The following FHIT variants were observed in gnomAD, a reference collection of about 807,000 sequenced individuals.
The protein encoded by FHIT is fragile histidine triad diadenosine triphosphatase, also known as bis(5'-adenosyl)-triphosphatase.
Under a neutral mutation model 17.9 loss-of-function variants are expected in FHIT, and 19 were observed. That is an observed-to-expected ratio of 1.06 (90% CI 0.74 to 1.56). FHIT has a LOEUF of 1.56. FHIT is among the 40% of genes most tolerant of loss of function. The probability of loss-of-function intolerance (pLI) is 0.00; values close to 1 mark genes in which losing one functional copy is unlikely to be tolerated. For synonymous variants in FHIT, 81 were observed against 69.7 expected (o/e 1.16, Z -0.81); for missense variants, 248 against 189.2 (o/e 1.31, Z -1.82).
chr3:59,873,133 C>T (rs1322953610), intron 8 of FHIT, among the ~76,000 whole-genome samples: 3 of 152,202 alleles, frequency 2.0e-5, no homozygotes. Flanking sequence ...TGTTTTACCT[C>T]TGGATAGTTA....
intron 7 of FHIT, among the ~76,000 whole-genome samples, chr3:59,975,426 T>C (rs1488672543): frequency 6.6e-6 from 1 of 152,116 alleles, no homozygotes; most frequent in Admixed American, 6.6e-5. Flanking sequence ...ATAAATATAC[T>C]GTAAGATGCT....
intron 4 of FHIT, among the ~76,000 whole-genome samples, chr3:60,653,957 T>C (rs1405273549): frequency 1.3e-5 from 2 of 152,184 alleles, no homozygotes; most frequent in African/African-American, 4.8e-5. Flanking sequence ...GTTTGGATCA[T>C]GGGGACAGAT....
chr3:60,289,278 T>A (rs962156321), intron 5 of FHIT, among the ~76,000 whole-genome samples: 1 of 152,214 alleles, frequency 6.6e-6, no homozygotes. Context: ...ATTGGACATA[T>A]ACCTACATAA....
At chr3:61,049,751 A>C (rs2033956690) in intron 2 of FHIT, among the ~76,000 whole-genome samples, 1 of 152,196 alleles carries the variant, frequency 6.6e-6, no homozygotes, top group Non-Finnish European at 1.5e-5. Flanking sequence ...CTTGGTATTT[A>C]AGAAAACAGC....
At chr3:60,986,598 G>A (rs1710728888) in intron 3 of FHIT, among the ~76,000 whole-genome samples, 1 of 152,102 alleles carries the variant, frequency 6.6e-6, no homozygotes, top group Non-Finnish European at 1.5e-5. Context: ...TTTCTCTATT[G>A]CTGACAACTA....
intron 5 of FHIT, among the ~76,000 whole-genome samples, chr3:60,021,999 T>C (rs535681791): frequency 1.5e-4 from 23 of 152,358 alleles, no homozygotes; most frequent in African/African-American, 5.1e-4. Flanking sequence ...CTACTATGCA[T>C]TCTGGCTTCT....
chr3:60,175,496 G>A (rs1212029738), intron 5 of FHIT, among the ~76,000 whole-genome samples: 1 of 152,106 alleles, frequency 6.6e-6, no homozygotes, highest in African/African-American at 2.4e-5. Context: ...TAGGAGGGAA[G>A]AAAAGTTAAG....
intron 8 of FHIT, among the ~76,000 whole-genome samples, chr3:59,769,162 C>G: frequency 6.6e-6 from 1 of 152,254 alleles, no homozygotes; most frequent in Middle Eastern, 3.4e-3. Flanking sequence ...TTCATAATTT[C>G]GGAGGATAGA....
chr3:60,659,119 A>C (rs918989192), intron 4 of FHIT, among the ~76,000 whole-genome samples: 1 of 151,922 alleles, frequency 6.6e-6, no homozygotes, highest in Non-Finnish European at 1.5e-5. Context: ...CTGGACTCCT[A>C]CATTTCTGAC....
At chr3:59,852,683 C>T (rs1340993585) in intron 8 of FHIT, among the ~76,000 whole-genome samples, 1 of 152,130 alleles carries the variant, frequency 6.6e-6, no homozygotes, top group African/African-American at 2.4e-5. Flanking sequence ...CTATTCATCC[C>T]TCCCTCCCTC....
chr3:60,724,967 A>T (rs1204489150), intron 4 of FHIT, among the ~76,000 whole-genome samples: 8 of 152,040 alleles, frequency 5.3e-5, no homozygotes, highest in African/African-American at 1.9e-4. Flanking sequence ...CTTTTTGCTA[A>T]TAACCGTCTT....
intron 5 of FHIT, among the ~76,000 whole-genome samples, chr3:60,096,296 T>C (rs938553322): frequency 2.8e-4 from 42 of 152,108 alleles, no homozygotes; most frequent in Admixed American, 2.2e-3. Context: ...GGTCCCCCTA[T>C]CTGAAGGCAG....
chr3:60,566,784 CA>C (rs1263212221), intron 4 of FHIT, among the ~76,000 whole-genome samples: 2 of 151,466 alleles, frequency 1.3e-5, no homozygotes, highest in Middle Eastern at 3.4e-3. Flanking sequence ...AATCAATGTG[CA>C]AAAATCACAA....
chr3:61,192,176 T>C (rs114706825), intron 2 of FHIT, among the ~76,000 whole-genome samples: 246 of 152,192 alleles, frequency 1.6e-3, no homozygotes, highest in African/African-American at 5.8e-3. Flanking sequence ...GAGCAAGAAA[T>C]AGACACTTTG....
At chr3:60,636,181 C>T (rs1245396373) in intron 4 of FHIT, among the ~76,000 whole-genome samples, 1 of 152,090 alleles carries the variant, frequency 6.6e-6, no homozygotes, top group Non-Finnish European at 1.5e-5. Flanking sequence ...AGTGAGTCTC[C>T]TGCTTCAGCC....
intron 5 of FHIT, among the ~76,000 whole-genome samples, chr3:60,223,311 T>G (rs756108480): frequency 6.6e-6 from 1 of 152,158 alleles, no homozygotes; most frequent in Non-Finnish European, 1.5e-5. Context: ...CTTAAGTCAA[T>G]AGGACAAGGT....
intron 5 of FHIT, among the ~76,000 whole-genome samples, chr3:60,345,643 C>A (rs965332336): frequency 3.9e-5 from 6 of 152,278 alleles, no homozygotes; most frequent in African/African-American, 1.4e-4. Flanking sequence ...AGTAGACTAT[C>A]GTCTCAAGAT....
intron 5 of FHIT, among the ~76,000 whole-genome samples, chr3:60,127,267 C>A (rs1324703770): frequency 6.6e-6 from 1 of 152,172 alleles, no homozygotes; most frequent in Non-Finnish European, 1.5e-5. Flanking sequence ...AGTACCCAGA[C>A]CTTTAGATAA....
intron 7 of FHIT, among the ~76,000 whole-genome samples, chr3:59,949,551 A>G (rs1707007559): frequency 6.6e-6 from 1 of 152,234 alleles, no homozygotes; most frequent in African/African-American, 2.4e-5. Context: ...CTAAGCATTT[A>G]ATACTTTGGA....
Sources: allele counts gnomAD v4.1 joint callset (sites outside exome capture counted in the v4.1 genomes callset), GRCh38; gene constraint gnomAD v4.1.1; transcripts MANE v1.5; gene names NCBI Gene and HGNC (gene_info 2026-07-23, HGNC 2026-07-21).